The following SLC39A11 variants were observed in gnomAD, a reference collection of about 807,000 sequenced individuals.
SLC39A11 encodes the protein zinc transporter ZIP11.
Under a neutral mutation model 36.1 loss-of-function variants are expected in SLC39A11, and 33 were observed. The ratio of observed to expected loss-of-function variants is 0.91; its 90% CI spans 0.69 to 1.22. SLC39A11 has a LOEUF of 1.22. Ranked by LOEUF, SLC39A11 falls within the 50% of genes most tolerant of loss-of-function variation. The pLI, the probability that SLC39A11 is intolerant of heterozygous loss-of-function variation, is 0.00. For synonymous variants in SLC39A11, 166 were observed against 170.3 expected (o/e 0.97, Z 0.20); for missense variants, 432 against 430.3 (o/e 1.00, Z -0.03).
At chr17:72,914,133 G>A (rs1207414117) in intron 5 of SLC39A11, among the ~76,000 whole-genome samples, 1 of 151,894 alleles carries the variant, frequency 6.6e-6, no homozygotes, top group Middle Eastern at 3.2e-3. Context: ...TGGCTAACAT[G>A]GTGAAACCCT....
intron 3 of SLC39A11, among the ~76,000 whole-genome samples, chr17:73,042,082 T>C (rs1198798874): frequency 1.3e-5 from 2 of 152,212 alleles, no homozygotes; most frequent in Non-Finnish European, 1.5e-5. Context: ...AGTGTTCATT[T>C]TGAAGGAATT....
At chr17:72,879,975 A>G (rs952288617) in intron 5 of SLC39A11, among the ~76,000 whole-genome samples, 3 of 151,908 alleles carry the variant, frequency 2.0e-5, no homozygotes, top group African/African-American at 7.3e-5. Context: ...ATTTGTCCAG[A>G]CTCCTTAAAA....
intron 5 of SLC39A11, among the ~76,000 whole-genome samples, chr17:72,910,228 G>T (rs1461122794): frequency 1.3e-5 from 2 of 151,854 alleles, no homozygotes; most frequent in African/African-American, 4.8e-5. Context: ...TGGGTGGTGG[G>T]GTCATTCATA....
chr17:72,820,001 C>A (rs1189830009), intron 6 of SLC39A11, among the ~76,000 whole-genome samples: 1 of 151,042 alleles, frequency 6.6e-6, no homozygotes, highest in African/African-American at 2.4e-5. Context: ...GGACAGGACT[C>A]TAGGGAAGGC....
At chr17:72,800,763 T>G (rs1036920368) in intron 6 of SLC39A11, among the ~76,000 whole-genome samples, 3 of 151,962 alleles carry the variant, frequency 2.0e-5, no homozygotes, top group Admixed American at 1.3e-4. Context: ...GGAAGCAGGG[T>G]GTTCGCAAAT....
At chr17:72,877,663 C>T (rs1036268908) in intron 5 of SLC39A11, among the ~76,000 whole-genome samples, 1 of 152,144 alleles carries the variant, frequency 6.6e-6, no homozygotes, top group African/African-American at 2.4e-5. Context: ...CTGCCTGATT[C>T]TGATGTCCCT....
At chr17:72,951,973 A>G (rs1024315689) in intron 4 of SLC39A11, among the ~76,000 whole-genome samples, 1 of 152,210 alleles carries the variant, frequency 6.6e-6, no homozygotes, top group East Asian at 1.9e-4. Context: ...GGAGACGAGC[A>G]CTAAGAAAAT....
At chr17:72,911,100 A>G (rs1252055302) in intron 5 of SLC39A11, among the ~76,000 whole-genome samples, 2 of 152,100 alleles carry the variant, frequency 1.3e-5, no homozygotes, top group Admixed American at 6.6e-5. Flanking sequence ...GAGTAATCAC[A>G]CCTTTATAAA....
At chr17:72,791,740 A>T (rs1226822202) in intron 6 of SLC39A11, among the ~76,000 whole-genome samples, 1 of 152,150 alleles carries the variant, frequency 6.6e-6, no homozygotes, top group East Asian at 1.9e-4. Flanking sequence ...TGCTGTTCTC[A>T]TGATAGCAAG....
chr17:72,720,596 T>C (rs1348571237), intron 7 of SLC39A11, among the ~76,000 whole-genome samples: 1 of 152,138 alleles, frequency 6.6e-6, no homozygotes, highest in Non-Finnish European at 1.5e-5. Context: ...GGATGTGTCA[T>C]GGGTGTGCCA....
intron 7 of SLC39A11, among the ~76,000 whole-genome samples, chr17:72,686,031 TAAAAAA>T (rs563539019): frequency 6.9e-6 from 1 of 145,114 alleles, no homozygotes; most frequent in African/African-American, 2.5e-5. Flanking sequence ...GACTCTGTCT[TAAAAAA>T]AAAAAAAATC....
At chr17:72,906,414 C>T (rs1354995306) in intron 5 of SLC39A11, among the ~76,000 whole-genome samples, 2 of 152,236 alleles carry the variant, frequency 1.3e-5, no homozygotes, top group Non-Finnish European at 2.9e-5. Flanking sequence ...TCCTCCTGGG[C>T]TTCCTTCCTA....
intron 4 of SLC39A11, among the ~76,000 whole-genome samples, chr17:72,997,389 G>A (rs143862892): frequency 2.0e-5 from 3 of 152,300 alleles, no homozygotes; most frequent in Admixed American, 2.0e-4. Flanking sequence ...GAGAAGCTGG[G>A]ATTATAGGTG....
At chr17:72,660,262 C>A (rs1157136737) in intron 7 of SLC39A11, among the ~76,000 whole-genome samples, 1 of 152,204 alleles carries the variant, frequency 6.6e-6, no homozygotes, top group Admixed American at 6.5e-5. Flanking sequence ...TTACCGCACC[C>A]ATCAGAGGCA....
At chr17:72,783,955 G>A (rs940026749) in intron 6 of SLC39A11, among the ~76,000 whole-genome samples, 1 of 152,148 alleles carries the variant, frequency 6.6e-6, no homozygotes, top group African/African-American at 2.4e-5. Flanking sequence ...CACAGGGTAG[G>A]GTGAAAAGTA....
chr17:72,729,444 TATATATATATA>T (rs1567995156), intron 7 of SLC39A11, among the ~76,000 whole-genome samples: 5 of 7,286 alleles, frequency 6.9e-4, no homozygotes, highest in African/African-American at 1.6e-3. Flanking sequence ...TATATATATA[TATATATATATA>T]TATTTTTTTT....
intron 4 of SLC39A11, among the ~76,000 whole-genome samples, chr17:72,948,239 C>G (rs1231552405): frequency 2.0e-5 from 3 of 150,292 alleles, no homozygotes; most frequent in African/African-American, 7.4e-5. Context: ...TCGCCTCACA[C>G]ACACAAAACC....
chr17:72,985,713 A>C (rs2088693972), intron 4 of SLC39A11, among the ~76,000 whole-genome samples: 2 of 152,172 alleles, frequency 1.3e-5, no homozygotes, highest in Admixed American at 1.3e-4. Context: ...GCATCTGGCC[A>C]GGCCTAACTT....
At chr17:73,035,888 G>A (rs1248436786) in intron 3 of SLC39A11, among the ~76,000 whole-genome samples, 3 of 96,384 alleles carry the variant, frequency 3.1e-5, no homozygotes, top group African/African-American at 7.9e-5. Flanking sequence ...AAAAAAAAAA[G>A]AAGGGTCAGA....
Sources: gnomAD v4.1 joint callset for allele counts (sites outside exome capture counted in the v4.1 genomes callset) on GRCh38, gnomAD v4.1.1 for gene constraint, MANE v1.5 for transcripts, NCBI Gene and HGNC (gene_info 2026-07-23, HGNC 2026-07-21) for gene names.